The following HMBOX1 variants were observed in gnomAD, a reference collection of about 807,000 sequenced individuals.
HMBOX1 encodes homeobox-containing protein 1.
In HMBOX1, 14 loss-of-function variants were observed where a neutral mutation model predicts 54.5. The observed-to-expected ratio is 0.26, with a 90% CI of 0.17 to 0.40. The LOEUF is 0.40. Among genes scored for constraint, HMBOX1 ranks in the 10% least tolerant of loss-of-function variants. The pLI, the probability that HMBOX1 is intolerant of heterozygous loss-of-function variation, is 1.00. For synonymous variants in HMBOX1, 160 were observed against 181.0 expected (o/e 0.88, Z 0.93); for missense variants, 332 against 514.4 (o/e 0.65, Z 3.43).
intron 4 of HMBOX1, among the ~76,000 whole-genome samples, chr8:28,984,537 A>G (rs770632517): frequency 3.3e-5 from 5 of 152,196 alleles, no homozygotes; most frequent in Non-Finnish European, 7.3e-5. Flanking sequence ...GACAGTATAA[A>G]CAGGATATAA....
intron 1 of HMBOX1, among the ~76,000 whole-genome samples, chr8:28,950,854 G>C (rs1823278929): frequency 6.6e-6 from 1 of 152,304 alleles, no homozygotes; most frequent in East Asian, 1.9e-4. Flanking sequence ...ATAGGAAAAA[G>C]TAGGGAACAT....
At chr8:28,958,553 C>G (rs1824887766) in intron 1 of HMBOX1, among the ~76,000 whole-genome samples, 1 of 152,136 alleles carries the variant, frequency 6.6e-6, no homozygotes, top group Non-Finnish European at 1.5e-5. Context: ...AGCTTCCTTC[C>G]CATTCCTCTC....
chr8:28,917,004 T>A (rs1340963086), intron 1 of HMBOX1, among the ~76,000 whole-genome samples: 1 of 150,626 alleles, frequency 6.6e-6, no homozygotes, highest in Non-Finnish European at 1.5e-5. Flanking sequence ...GAGGCAGAGG[T>A]TACAGTGAGC....
chr8:28,982,581 C>T (rs1586263052), intron 4 of HMBOX1, among the ~76,000 whole-genome samples: 1 of 151,996 alleles, frequency 6.6e-6, no homozygotes, highest in East Asian at 1.9e-4. Flanking sequence ...TCCTGAGTAG[C>T]TGGGACTACA....
At chr8:28,978,713 G>T (rs9657296) in intron 3 of HMBOX1, among the ~76,000 whole-genome samples, 2,867 of 146,746 alleles carry the variant, frequency 0.02, 87 homozygotes, top group African/African-American at 0.068. Flanking sequence ...CTTGCGCCCG[G>T]TAGGTGGAGC....
At chr8:28,920,044 G>A (rs1187317784) in intron 1 of HMBOX1, among the ~76,000 whole-genome samples, 1 of 151,800 alleles carries the variant, frequency 6.6e-6, no homozygotes, top group Admixed American at 6.6e-5. Context: ...ACACAGGGCT[G>A]GCTTATGAAT....
At chr8:29,010,168 T>C (rs1307781712) in intron 5 of HMBOX1, 1 of 970,732 alleles carries the variant, frequency 1.0e-6, no homozygotes, top group Admixed American at 6.2e-5. Flanking sequence ...AAAAATCTAT[T>C]CTGACTCCCA....
At chr8:28,936,200 A>AAC (rs1241727242) in intron 1 of HMBOX1, among the ~76,000 whole-genome samples, 1 of 152,056 alleles carries the variant, frequency 6.6e-6, no homozygotes, top group Non-Finnish European at 1.5e-5. Flanking sequence ...GTAGATGTAT[A>AAC]AACTCCAGTT....
rs776716767 is a variant in HMBOX1 at position 29,052,454 on chromosome 8, G to A, written c.*1299G>A. 3.3e-5 allele frequency: 5 copies of A among 152,114 alleles called. No homozygotes were observed. The highest frequency in any genetic ancestry group is 6.5e-5 in the Admixed American group (1 of 15,276). 9.4% of individuals were successfully genotyped at this position (152,114 alleles called of 1,614,324 possible). On this transcript the variant is annotated 3_prime_UTR_variant, in exon 10 of 10. Transcript: ENST00000287701. Reference sequence around the variant, plus strand: ...TTGTAAAGTTTAATCTACTTTAAGCGGCAGTAACTAATGGAATTTTTTTCC... The same window carrying A: ...TTGTAAAGTTTAATCTACTTTAAGCAGCAGTAACTAATGGAATTTTTTTCC...
chr8:29,019,290 T>TA (rs1442172705), intron 6 of HMBOX1, among the ~76,000 whole-genome samples: 1 of 152,214 alleles, frequency 6.6e-6, no homozygotes, highest in African/African-American at 2.4e-5. Flanking sequence ...TTTCCTTTAA[T>TA]AAGGAGTATG....
intron 4 of HMBOX1, 93 bp downstream of exon 4, chr8:28,980,249 G>A: frequency 3.3e-6 from 3 of 906,118 alleles, no homozygotes; most frequent in Non-Finnish European, 5.5e-6. Context: ...CTGCATTGCA[G>A]TGCAGATCTG....
At chr8:28,930,499 C>G (rs1051420402) in intron 1 of HMBOX1, among the ~76,000 whole-genome samples, 2 of 152,160 alleles carry the variant, frequency 1.3e-5, no homozygotes, top group African/African-American at 4.8e-5. Flanking sequence ...TCTACCCTTT[C>G]TTGTGCTGCT....
chr8:29,021,728 CG>C (rs757552677), intron 6 of HMBOX1, among the ~76,000 whole-genome samples: 6 of 151,532 alleles, frequency 4.0e-5, no homozygotes, highest in Non-Finnish European at 5.9e-5. Flanking sequence ...GGCGTGGTGG[CG>C]GGCACCTGTA....
intron 4 of HMBOX1, among the ~76,000 whole-genome samples, chr8:29,005,340 G>A (rs1028169117): frequency 5.3e-5 from 8 of 152,086 alleles, no homozygotes; most frequent in African/African-American, 1.4e-4. Flanking sequence ...GGAAGATTAA[G>A]AAAACAATAT....
At chr8:29,023,284 T>TA (rs1043639260) in intron 6 of HMBOX1, among the ~76,000 whole-genome samples, 15 of 152,082 alleles carry the variant, frequency 9.9e-5, no homozygotes, top group African/African-American at 2.7e-4. Context: ...TATCTTGATT[T>TA]AAAAAAAACA....
chr8:28,916,333 A>G (rs1018933392), intron 1 of HMBOX1, among the ~76,000 whole-genome samples: 1 of 152,210 alleles, frequency 6.6e-6, no homozygotes, highest in Non-Finnish European at 1.5e-5. Flanking sequence ...ACTGAATAGT[A>G]TGTGCCAATC....
intron 1 of HMBOX1, among the ~76,000 whole-genome samples, chr8:28,935,881 A>G (rs921265606): frequency 2.0e-5 from 3 of 152,078 alleles, no homozygotes; most frequent in African/African-American, 7.2e-5. Context: ...CTTGTCAGAG[A>G]TACTATTTAG....
At chr8:29,036,124 C>T (rs149280199) in intron 6 of HMBOX1, among the ~76,000 whole-genome samples, 7 of 152,270 alleles carry the variant, frequency 4.6e-5, no homozygotes, top group African/African-American at 1.4e-4. Context: ...ATGCTTGACA[C>T]CTGTTTATCA....
chr8:29,020,342 A>C (rs1044316758), intron 6 of HMBOX1, among the ~76,000 whole-genome samples: 3 of 152,156 alleles, frequency 2.0e-5, no homozygotes, highest in Admixed American at 6.5e-5. Context: ...ACAAAATGTC[A>C]TCATGAGAAA....
Sources: allele counts gnomAD v4.1 joint callset (sites outside exome capture counted in the v4.1 genomes callset), GRCh38; gene constraint gnomAD v4.1.1; transcripts MANE v1.5; gene names NCBI Gene and HGNC (gene_info 2026-07-23, HGNC 2026-07-21).